The following COTL1 variants were observed in gnomAD, a reference collection of about 807,000 sequenced individuals.
COTL1 encodes the protein coactosin-like protein.
COTL1 carries 15 observed loss-of-function variants against 16.5 expected under a neutral mutation model. That is an observed-to-expected ratio of 0.91 (90% confidence interval 0.61 to 1.40). The LOEUF is 1.40. Among genes scored for constraint, COTL1 ranks in the 40% most tolerant of loss-of-function variants. The pLI is 0.00. For missense variants in COTL1, 220 were observed against 201.5 expected, an observed-to-expected ratio of 1.09 and a Z score of -0.56; for synonymous variants, 112 against 85.3, an observed-to-expected ratio of 1.31 and a Z score of -1.73.
chr16:84,597,372 A>T (rs796332468), intron 2 of COTL1, among the ~76,000 whole-genome samples: 10 of 152,254 alleles, frequency 6.6e-5, no homozygotes, highest in African/African-American at 2.2e-4. Flanking sequence ...AGGCTTGGAG[A>T]GGTGAAGTGA....
chr16:84,580,607 T>TA (rs1904566174), intron 3 of COTL1, among the ~76,000 whole-genome samples: 1 of 152,144 alleles, frequency 6.6e-6, no homozygotes, highest in African/African-American at 2.4e-5. Context: ...CCTCCCATTA[T>TA]AAAAGCCCCA....
chr16:84,607,394 G>A (rs1023970413), intron 2 of COTL1, among the ~76,000 whole-genome samples: 6 of 152,050 alleles, frequency 3.9e-5, no homozygotes, highest in African/African-American at 1.5e-4. Flanking sequence ...GATTCAAAGT[G>A]CAGTTCTTCC....
intron 2 of COTL1, among the ~76,000 whole-genome samples, chr16:84,603,096 C>A (rs1201889890): frequency 1.3e-5 from 2 of 152,152 alleles, no homozygotes; most frequent in African/African-American, 4.8e-5. Context: ...AGCGACTTCC[C>A]CTCTCTGCCC....
intron 3 of COTL1, among the ~76,000 whole-genome samples, chr16:84,578,615 A>C (rs1904504661): frequency 6.6e-6 from 1 of 151,484 alleles, no homozygotes; most frequent in Non-Finnish European, 1.5e-5. Context: ...AGATATGCAC[A>C]CACCAACACA....
chr16:84,567,055 C>A, intron 3 of COTL1, 100 bp from the exon 4 acceptor site: 1 of 781,822 alleles, frequency 1.3e-6, no homozygotes, highest in Non-Finnish European at 2.3e-6. Flanking sequence ...CACTGAAAAC[C>A]CTGATGAGAG....
At chr16:84,570,668 C>T (rs1387980167) in intron 3 of COTL1, among the ~76,000 whole-genome samples, 1 of 152,150 alleles carries the variant, frequency 6.6e-6, no homozygotes, top group Non-Finnish European at 1.5e-5. Flanking sequence ...AACTTGATAA[C>T]CCTCCTGGCT....
chr16:84,609,508 G>T (rs1284690435), intron 2 of COTL1, among the ~76,000 whole-genome samples: 1 of 152,166 alleles, frequency 6.6e-6, no homozygotes, highest in South Asian at 2.1e-4. Flanking sequence ...GTGGTTAGTC[G>T]GACTCTCCTG....
Position 84,584,579 on chromosome 16 carries a change from G to A in COTL1, c.318+5526C>T, listed in dbSNP as rs147420570. Among the ~76,000 whole-genome samples, 1,132 of 152,268 alleles carry A rather than the reference G, an allele frequency of 7.4e-3. 18 individuals are homozygous for A. The highest frequency in any genetic ancestry group is 0.026 in the African/African-American group (1,070 of 41,544). On this transcript the variant is annotated intron_variant, in intron 3 of 3. Transcript: ENST00000262428. ...GCCAGACCCTTCCTGTGTGGCTGAC[G>A]GCTGGCAATATCCGTGAACAACAAG...
In COTL1 at chr16:84,617,557, G is replaced by A; in HGVS notation, c.104C>T (p.Thr35Ile). The change falls in exon 2 of 4, where the codon ACC becomes ATC. Residue 35 changes from threonine (T) to isoleucine (I), a missense_variant. By Grantham distance (89) the Thr-to-Ile change is moderately conservative. Coordinates refer to ENST00000262428, the MANE Select transcript of COTL1 (RefSeq NM_021149.5). ...CGCTCCCTGCTCGCCGGGGACGATGGTGGAGCCGTCATATTTAAAAGTCAC... is the reference window on the plus strand; with the variant it reads ...CGCTCCCTGCTCGCCGGGGACGATGATGGAGCCGTCATATTTAAAAGTCAC... ...IWVTFKYDGS[T>I]IVPGEQGAEY... is the part of the protein sequence containing the mutation. 2 of 1,558,338 alleles carry A rather than the reference G, an allele frequency of 1.3e-6. No homozygotes were observed. The highest frequency in any genetic ancestry group is 1.7e-6 in the Non-Finnish European group (2 of 1,150,378).
At chr16:84,616,070 C>G (rs1247354971) in intron 2 of COTL1, 1 of 152,186 alleles carries the variant, frequency 6.6e-6, no homozygotes, top group African/African-American at 2.4e-5. Flanking sequence ...AGGCACTGTT[C>G]TGAGCATTTT....
At position 84,608,627 on chromosome 16, in the gene COTL1, C is replaced by T. The variant is rs561870248; in HGVS notation, c.160+8874G>A. Among the ~76,000 whole-genome samples, 29 of 152,328 alleles carry T rather than the reference C, an allele frequency of 1.9e-4. No individual in the cohort carries two copies. The South Asian group carries it at 5.2e-3, about 27-fold the overall frequency. On this transcript the variant is annotated intron_variant, in intron 2 of 3. Coordinates refer to ENST00000262428, the MANE Select transcript of COTL1 (RefSeq NM_021149.5). ...TACCACTTAAAAACAAAAACCCAGCCGGGCGGGGTGGCTCACGCCTGTAAT... is the reference window on the plus strand; with the variant it reads ...TACCACTTAAAAACAAAAACCCAGCTGGGCGGGGTGGCTCACGCCTGTAAT...
At chr16:84,607,832 G>A (rs1286210687) in intron 2 of COTL1, among the ~76,000 whole-genome samples, 2 of 152,166 alleles carry the variant, frequency 1.3e-5, no homozygotes, top group Non-Finnish European at 2.9e-5. Flanking sequence ...TTGGGGCATA[G>A]TAGATGCTCG....
At chr16:84,571,082 G>A (rs563374066) in intron 3 of COTL1, among the ~76,000 whole-genome samples, 153 of 152,150 alleles carry the variant, frequency 1.0e-3, no homozygotes, top group African/African-American at 3.5e-3. Context: ...TTCTCTGTTC[G>A]GAAGAATCCT....
chr16:84,597,695 C>T (rs1356668314), intron 2 of COTL1, among the ~76,000 whole-genome samples: 1 of 152,166 alleles, frequency 6.6e-6, no homozygotes, highest in African/African-American at 2.4e-5. Context: ...GTCTCAAGGA[C>T]AGAAAAGCTG....
intron 3 of COTL1, among the ~76,000 whole-genome samples, chr16:84,589,515 T>A (rs1007679179): frequency 2.0e-5 from 3 of 151,988 alleles, no homozygotes; most frequent in African/African-American, 7.3e-5. Flanking sequence ...GAAATGGAGA[T>A]CCCTTTAGTA....
chr16:84,616,919 C>T (rs892630718), intron 2 of COTL1, among the ~76,000 whole-genome samples: 3 of 152,188 alleles, frequency 2.0e-5, no homozygotes, highest in Non-Finnish European at 2.9e-5. Flanking sequence ...GGCTATCTAG[C>T]CCCAAAAGCT....
At chr16:84,591,131 T>C (rs868007877) in intron 2 of COTL1, among the ~76,000 whole-genome samples, 3 of 152,090 alleles carry the variant, frequency 2.0e-5, no homozygotes, top group Admixed American at 6.5e-5. Flanking sequence ...CTATGCTAAG[T>C]TCCCCCACCC....
At chr16:84,577,160 T>C (rs1730236906) in intron 3 of COTL1, 1 of 152,196 alleles carries the variant, frequency 6.6e-6, no homozygotes. Context: ...TTCAAAGTGC[T>C]TGAAAGACCG....
chr16:84,617,998 G>T lies in COTL1; in HGVS notation c.-84C>A, dbSNP rs970170551. 2 of 882,128 alleles carry T rather than the reference G, an allele frequency of 2.3e-6. No homozygotes were observed. Among genetic ancestry groups the T allele is most frequent in the African/African-American group, 1.8e-5 (1 of 55,412 alleles). 54.6% of individuals were successfully genotyped at this position (882,128 alleles called of 1,614,324 possible). ...GCGGGGATGGGAGCGCGGCGGGTACGCGCCGAGGGCGCACGGGCTGGCGGC... is the reference window on the plus strand; with the variant it reads ...GCGGGGATGGGAGCGCGGCGGGTACTCGCCGAGGGCGCACGGGCTGGCGGC... On this transcript the variant is annotated 5_prime_UTR_variant, in exon 1 of 4. Transcript: ENST00000262428.
Sources: allele counts gnomAD v4.1 joint callset (sites outside exome capture counted in the v4.1 genomes callset), GRCh38; gene constraint gnomAD v4.1.1; transcripts MANE v1.5; gene names NCBI Gene and HGNC (gene_info 2026-07-23, HGNC 2026-07-21).